The following MARCHF1 variants were observed in gnomAD, a reference collection of about 807,000 sequenced individuals.
The protein encoded by MARCHF1 is membrane associated ring-CH-type finger 1.
A neutral mutation model predicts 54.2 loss-of-function variants in MARCHF1; 40 were observed. The ratio of observed to expected loss-of-function variants is 0.74; its 90% CI spans 0.57 to 0.96. MARCHF1 has a LOEUF of 0.96. MARCHF1 is among the 40% of genes least tolerant of loss of function. The pLI is 0.00. For missense variants in MARCHF1, 586 were observed against 656.5 expected (o/e 0.89, Z 1.17); for synonymous variants, 236 against 236.3 (o/e 1.00, Z 0.01).
intron 1 of MARCHF1, among the ~76,000 whole-genome samples, chr4:164,271,288 G>C (rs536272330): frequency 9.2e-5 from 14 of 152,252 alleles, no homozygotes; most frequent in African/African-American, 3.4e-4. Flanking sequence ...ATCCAGATGG[G>C]CCCAGTCTAA....
chr4:163,848,208 C>T (rs967781369), intron 4 of MARCHF1, among the ~76,000 whole-genome samples: 1 of 151,994 alleles, frequency 6.6e-6, no homozygotes, highest in Non-Finnish European at 1.5e-5. Context: ...TATCTAGTTT[C>T]TCCTCTTTAA....
intron 4 of MARCHF1, among the ~76,000 whole-genome samples, chr4:163,723,289 G>A (rs1745539064): frequency 6.6e-6 from 1 of 152,132 alleles, no homozygotes; most frequent in Admixed American, 6.5e-5. Context: ...ATGAAGCTTA[G>A]TTTGGCTGGA....
intron 2 of MARCHF1, among the ~76,000 whole-genome samples, chr4:164,001,117 T>G (rs1161241057): frequency 6.6e-6 from 1 of 151,802 alleles, no homozygotes; most frequent in African/African-American, 2.4e-5. Flanking sequence ...TATTATCCAA[T>G]AGTCTACTTT....
At chr4:163,593,704 T>C (rs1328779665) in intron 7 of MARCHF1, among the ~76,000 whole-genome samples, 1 of 152,222 alleles carries the variant, frequency 6.6e-6, no homozygotes, top group Non-Finnish European at 1.5e-5. Context: ...TTGCCATGGA[T>C]AATTGACAAA....
chr4:164,227,697 T>C (rs1560963088), intron 1 of MARCHF1, among the ~76,000 whole-genome samples: 1 of 152,160 alleles, frequency 6.6e-6, no homozygotes, highest in Non-Finnish European at 1.5e-5. Context: ...CATGTGCTTC[T>C]TGTACCTACT....
rs577323611 is a variant in MARCHF1, at chr4:164,145,670, C to T, written c.-322-34008G>A. Among the ~76,000 whole-genome samples the T allele has an allele frequency of 3.9e-5, 6 of 151,954 alleles. No individual in the cohort carries two copies. In the South Asian group the frequency reaches 1.3e-3, roughly 32 times the overall value. On this transcript the variant is annotated intron_variant, in intron 1 of 9. Transcript: ENST00000514618. ...TAAATTAGGTATTGATGGGACATAT[C>T]TCAAAATAATAAGAGCTATCTATGA...
intron 4 of MARCHF1, among the ~76,000 whole-genome samples, chr4:163,787,240 A>G (rs568175038): frequency 2.0e-5 from 3 of 152,024 alleles, no homozygotes; most frequent in Non-Finnish European, 2.9e-5. Context: ...GACTCCATCA[A>G]ACTTAAATCC....
rs142257033 is a variant in MARCHF1, at chr4:163,818,801, C to T, written c.111+35220G>A. ...TATTTTCTCACCATCTTATGAACCT[C>T]ATGGTCAAGACAGTAAATTGCCATT... On this transcript the variant is annotated intron_variant, in intron 4 of 9. Transcript: ENST00000514618. Among the ~76,000 whole-genome samples the T allele has an allele frequency of 6.6e-5, 10 of 152,238 alleles. No homozygotes were observed. In the East Asian group the frequency reaches 1.9e-3, roughly 29 times the overall value.
intron 4 of MARCHF1, among the ~76,000 whole-genome samples, chr4:163,723,749 C>G (rs1218185057): frequency 6.6e-6 from 1 of 152,154 alleles, no homozygotes; most frequent in Non-Finnish European, 1.5e-5. Flanking sequence ...CTCTAAACTT[C>G]TCTTCTCGCT....
At chr4:164,273,239 G>A (rs1410374401) in intron 1 of MARCHF1, among the ~76,000 whole-genome samples, 1 of 152,090 alleles carries the variant, frequency 6.6e-6, no homozygotes, top group Non-Finnish European at 1.5e-5. Context: ...GGGAAGCAAG[G>A]CAGCTTCTTC....
intron 1 of MARCHF1, among the ~76,000 whole-genome samples, chr4:164,127,385 G>A (rs2915271): frequency 0.92 from 139,412 of 152,248 alleles, 64,015 homozygotes; most frequent in East Asian, 1. Flanking sequence ...TGTTGAAAGA[G>A]ATAAGAGCAA....
intron 1 of MARCHF1, among the ~76,000 whole-genome samples, chr4:164,235,657 G>A (rs969659078): frequency 2.0e-5 from 3 of 152,022 alleles, no homozygotes; most frequent in African/African-American, 7.2e-5. Context: ...GACTGTATGT[G>A]CTCACTTATA....
At chr4:164,166,270 A>G (rs189139966) in intron 1 of MARCHF1, among the ~76,000 whole-genome samples, 260 of 152,118 alleles carry the variant, frequency 1.7e-3, no homozygotes, top group African/African-American at 6.0e-3. Context: ...ATAAATATAT[A>G]GGCATGTTCA....
At chr4:164,047,337 A>AG (rs1754264334) in intron 2 of MARCHF1, among the ~76,000 whole-genome samples, 1 of 152,200 alleles carries the variant, frequency 6.6e-6, no homozygotes, top group African/African-American at 2.4e-5. Flanking sequence ...TGGGCCTAGG[A>AG]GGGGACTTTC....
At chr4:163,957,290 T>A (rs1752250480) in intron 3 of MARCHF1, among the ~76,000 whole-genome samples, 1 of 152,048 alleles carries the variant, frequency 6.6e-6, no homozygotes, top group African/African-American at 2.4e-5. Flanking sequence ...GTAGTAACTA[T>A]AATGAAAAAT....
intron 4 of MARCHF1, among the ~76,000 whole-genome samples, chr4:163,784,630 A>G (rs1388371453): frequency 2.0e-5 from 3 of 152,138 alleles, no homozygotes; most frequent in Non-Finnish European, 2.9e-5. Flanking sequence ...TGCCATTGAC[A>G]TATATAATAT....
At chr4:164,037,317 G>A (rs1446094324) in intron 2 of MARCHF1, among the ~76,000 whole-genome samples, 1 of 152,066 alleles carries the variant, frequency 6.6e-6, no homozygotes, top group Non-Finnish European at 1.5e-5. Flanking sequence ...GGTCATCAAG[G>A]AAGTAAATGT....
In MARCHF1 at chr4:163,621,830, G is replaced by A. The variant is rs1320138641; in HGVS notation, c.163-8437C>T. 3.9e-5 allele frequency among the ~76,000 whole-genome samples: 6 copies of A among 152,188 alleles called. No homozygotes were observed. In the South Asian group the frequency reaches 8.3e-4, roughly 21 times the overall value. On this transcript the variant is annotated intron_variant, in intron 5 of 9. Transcript: ENST00000514618. ...TGTGGTTTGGGCAGAGGGTGTGGGGGTAGAGAAGGGTATGAGGAAGACTCA... is the reference window on the plus strand; with the variant it reads ...TGTGGTTTGGGCAGAGGGTGTGGGGATAGAGAAGGGTATGAGGAAGACTCA...
At chr4:164,069,631 C>T (rs764492423) in intron 2 of MARCHF1, among the ~76,000 whole-genome samples, 14 of 152,008 alleles carry the variant, frequency 9.2e-5, no homozygotes, top group South Asian at 6.2e-4. Flanking sequence ...CGAACACATC[C>T]GAACATCAGA....
Sources: gnomAD v4.1 joint callset for allele counts (sites outside exome capture counted in the v4.1 genomes callset) on GRCh38, gnomAD v4.1.1 for gene constraint, MANE v1.5 for transcripts, NCBI Gene and HGNC (gene_info 2026-07-23, HGNC 2026-07-21) for gene names.